The following RC3H2 variants were observed in gnomAD, a reference collection of about 807,000 sequenced individuals.
RC3H2 encodes the protein ring finger and CCCH-type domains 2.
RC3H2 carries 31 observed loss-of-function variants against 133.3 expected under a neutral mutation model. The observed-to-expected ratio is 0.23, with a 90% CI of 0.17 to 0.31. RC3H2 has a LOEUF of 0.31. Ranked by LOEUF, RC3H2 falls within the 10% of genes least tolerant of loss-of-function variation. RC3H2 has a pLI of 1.00. For missense variants in RC3H2, 1,175 were observed against 1,437.2 expected (o/e 0.82, Z 2.95); for synonymous variants, 517 against 502.2 (o/e 1.03, Z -0.40).
intron 8 of RC3H2, among the ~76,000 whole-genome samples, chr9:122,878,602 C>T (rs892343465): frequency 3.3e-5 from 5 of 151,926 alleles, no homozygotes; most frequent in Non-Finnish European, 5.9e-5. Context: ...TATTTAACCT[C>T]TTTGAATTTC....
intron 20 of RC3H2, 149 bp from the exon 21 acceptor site, chr9:122,849,971 GA>G: frequency 2.1e-6 from 1 of 477,846 alleles, no homozygotes; most frequent in Non-Finnish European, 3.5e-6. Context: ...GAAGTAACTA[GA>G]AAAGTCCTGT....
chr9:122,879,950 A>G (rs1386855996), intron 7 of RC3H2, 43 bp downstream of exon 7: 1 of 1,612,464 alleles, frequency 6.2e-7, no homozygotes, highest in Non-Finnish European at 8.5e-7. Context: ...ATTCACCTCA[A>G]AAGTAGAAAA....
At chr9:122,866,567 A>C (rs1369771141) in intron 9 of RC3H2, among the ~76,000 whole-genome samples, 1 of 151,740 alleles carries the variant, frequency 6.6e-6, no homozygotes, top group Non-Finnish European at 1.5e-5. Context: ...GCCACGCCTG[A>C]CTGGTTTTCT....
intron 4 of RC3H2, among the ~76,000 whole-genome samples, chr9:122,888,072 G>A (rs1016967408): frequency 2.0e-5 from 3 of 152,060 alleles, no homozygotes; most frequent in Non-Finnish European, 4.4e-5. Context: ...AATGCTGAAA[G>A]TCTTGGTTCT....
At chr9:122,886,930 A>G (rs996276719) in intron 4 of RC3H2, among the ~76,000 whole-genome samples, 1 of 152,240 alleles carries the variant, frequency 6.6e-6, no homozygotes, top group Non-Finnish European at 1.5e-5. Context: ...TGCTTCTTAA[A>G]GTAAACATCA....
intron 18 of RC3H2, among the ~76,000 whole-genome samples, chr9:122,853,378 T>TAAAAAAAAA (rs72033785): frequency 8.4e-5 from 7 of 83,712 alleles, no homozygotes; most frequent in East Asian, 7.4e-4. Flanking sequence ...GAATGATCAA[T>TAAAAAAAAA]AAAAAAAAAA....
intron 2 of RC3H2, among the ~76,000 whole-genome samples, chr9:122,893,788 T>C (rs1430329670): frequency 6.6e-6 from 1 of 152,206 alleles, no homozygotes; most frequent in African/African-American, 2.4e-5. Flanking sequence ...CTATATTATT[T>C]ACTTAAGATA....
rs367984525 is a variant in RC3H2, at chr9:122,883,213, A to T, written c.750T>A (p.Ser250=). The part of the protein sequence containing the change: ...GHVVQLLYRA[S]CFKVTKRDED... ...GATACTTACTGCTTACCTTAAAACA[A>T]GAAGCTCGATACAGTAGTTGCACAA... Residue 250 remains serine, a synonymous_variant, in exon 5 of 21, where the codon TCT becomes TCA. Coordinates refer to ENST00000357244, the MANE Select transcript of RC3H2 (RefSeq NM_001100588.3). 4 of 1,611,356 alleles carry T rather than the reference A, an allele frequency of 2.5e-6. No homozygotes were observed. The highest frequency in any genetic ancestry group is 3.4e-6 in the Non-Finnish European group (4 of 1,179,384).
rs1429725317 is a variant in RC3H2 at position 122,865,393 on chromosome 9, A to G, written c.1590T>C (p.Asn530=). The G allele has an allele frequency of 5.0e-6, 8 of 1,613,970 alleles. No individual in the cohort carries two copies. Among genetic ancestry groups the G allele is most frequent in the Middle Eastern group, 1.6e-4 (1 of 6,084 alleles). Residue 530 remains asparagine (N), a synonymous_variant, in exon 10 of 21, where the codon AAT becomes AAC. Transcript: ENST00000357244. ...TVKKVGKVGA[N]GQNAAGPSAD... ...CAGAGGGCCCAGCAGCATTCTGACC[A>G]TTAGCGCCAACCTTTCCCACTTTCT...
chr9:122,865,532 T>C lies in RC3H2; in HGVS notation c.1451A>G (p.Glu484Gly). ...ACTTGGAACAATTTTCCCTGTTGTT[T>C]CAGTACTTCCTATGACAGAAATGAC... The part of the protein sequence containing the change: ...GNVISVIGST[E>G]TTGKIVPSTN... The change falls in exon 10 of 21, where the codon GAA (glutamate) becomes GGA (glycine). Residue 484 changes from glutamate (E) to glycine (G), a missense_variant. Coordinates refer to ENST00000357244, the MANE Select transcript of RC3H2 (RefSeq NM_001100588.3). The C allele has an allele frequency of 5.0e-6, 8 of 1,614,206 alleles. No homozygotes were observed. The highest frequency in any genetic ancestry group is 3.3e-4 in the Middle Eastern group (2 of 6,062).
At position 122,890,355 on chromosome 9, in the gene RC3H2, T is replaced by A. The variant is rs780393048; in HGVS notation, c.540A>T (p.Leu180=). ...HQNPQQLSAN[L]WAAVRARGCQ... is the part of the protein sequence containing the mutation. ...ATCCTCGAGCCCTGACAGCGGCCCA[T>A]AGATTGGCAGACAACTGCTGAGGGT... The change falls in exon 4 of 21, where the codon CTA becomes CTT. Residue 180 remains leucine, a synonymous_variant. Transcript: ENST00000357244. 7 of 1,613,994 alleles carry A rather than the reference T, an allele frequency of 4.3e-6. No individual in the cohort carries two copies. Among genetic ancestry groups the A allele is most frequent in the African/African-American group, 2.7e-5 (2 of 74,892 alleles).
rs577146420 is a variant in RC3H2, at chr9:122,865,739, T to C, written c.1326-82A>G. On this transcript the variant is annotated intron_variant, in intron 9 of 20. Transcript: ENST00000357244. ...AAAAAATGGCAATGGGCAATGGGAA[T>C]AGATTGAAAAAGGAGGAAACAGTTT... is the stretch of plus-strand genomic sequence containing the variant. 5 of 1,201,802 alleles carry C rather than the reference T, an allele frequency of 4.2e-6. No homozygotes were observed. The African/African-American group carries it at 6.1e-5, about 15-fold the overall frequency. The allele number at this position is 1,201,802 out of a possible 1,614,324, so 74.4% of individuals were successfully genotyped here.
chr9:122,852,549 C>T (rs1352065624), intron 18 of RC3H2, among the ~76,000 whole-genome samples: 9 of 143,420 alleles, frequency 6.3e-5, no homozygotes, highest in Non-Finnish European at 1.4e-4. Flanking sequence ...GTCAGCCCCC[C>T]GCCCGGCCAG....
chr9:122,855,814 G>C lies in RC3H2; in HGVS notation c.2519C>G (p.Ser840Cys). 1 of 1,613,574 alleles carries C rather than the reference G, an allele frequency of 6.2e-7. No individual in the cohort carries two copies. Among genetic ancestry groups the C allele is most frequent in the Non-Finnish European group, 8.5e-7 (1 of 1,179,696 alleles). Residue 840 changes from serine to cysteine, a missense_variant, in exon 14 of 21, where the codon TCT (serine) becomes TGT (cysteine). Coordinates refer to ENST00000357244, the MANE Select transcript of RC3H2 (RefSeq NM_001100588.3). ...EDHLSHYSPW[S>C]CGTIGSCINA... The stretch of plus-strand genomic sequence containing the variant: ...TATACAGGAGCCTATGGTGCCACAA[G>C]ACCAGGGAGAATAATGGGAAAGATG...
chr9:122,874,208 A>T (rs2131441376), intron 9 of RC3H2: 1 of 152,348 alleles, frequency 6.6e-6, no homozygotes, highest in Admixed American at 6.5e-5. Context: ...ATCAACAGTG[A>T]TTAATTGAAT....
rs779973813 is a variant in RC3H2, at chr9:122,849,634, T to A, written c.3569A>T (p.Asn1190Ile). Reference protein sequence around the residue: ...LKPVANGKMVNS With the variant: ...LKPVANGKMVIS ...TGAAAGATGAACCTCCTTTCAGCTG[T>A]TAACCATCTTCCCATTTGCAACAGG... The change falls in exon 21 of 21, where the codon AAC becomes ATC. Residue 1190 changes from asparagine to isoleucine, a missense_variant. Coordinates refer to ENST00000357244, the MANE Select transcript of RC3H2 (RefSeq NM_001100588.3). 4 of 1,611,690 alleles carry A rather than the reference T, an allele frequency of 2.5e-6. No individual in the cohort carries two copies. Among genetic ancestry groups the A allele is most frequent in the Non-Finnish European group, 3.4e-6 (4 of 1,178,652 alleles).
rs370666034 is a variant in RC3H2 at position 122,877,614 on chromosome 9, G to A, written c.1213-31C>T. 2.7e-5 allele frequency: 41 copies of A among 1,518,748 alleles called. No individual in the cohort carries two copies. The African/African-American group carries it at 4.7e-4, about 17-fold the overall frequency. 94.1% of individuals were successfully genotyped at this position (1,518,748 alleles called of 1,614,324 possible). ...AAAATGGGAACACATTCAATGAGTG[G>A]CAAGGTGAAGATTCCATTTGTTATT... On this transcript the variant is annotated intron_variant, in intron 8 of 20. Transcript: ENST00000357244.
At chr9:122,893,939 A>C (rs566107588) in intron 2 of RC3H2, among the ~76,000 whole-genome samples, 2 of 152,276 alleles carry the variant, frequency 1.3e-5, no homozygotes, top group African/African-American at 4.8e-5. Flanking sequence ...ATGAAGATGA[A>C]AATCTGTATT....
In RC3H2 at chr9:122,852,468, G is replaced by A. The variant is rs1415446547; in HGVS notation, c.3118-1032C>T. Among the ~76,000 whole-genome samples the A allele has an allele frequency of 3.1e-5, 4 of 129,500 alleles. No individual in the cohort carries two copies. In the South Asian group the frequency reaches 1.0e-3, roughly 32 times the overall value. 85.0% of individuals were successfully genotyped at this position (129,500 alleles called of 152,430 possible). On this transcript the variant is annotated intron_variant, in intron 18 of 20. Coordinates refer to ENST00000357244, the MANE Select transcript of RC3H2 (RefSeq NM_001100588.3). ...CGGGAGGTGAGGGGCGCCTCTGCCC[G>A]GCCGCCCCTACTGGGAAGTGAGGAG... is the stretch of plus-strand genomic sequence containing the variant.
Sources: gnomAD v4.1 joint callset for allele counts (sites outside exome capture counted in the v4.1 genomes callset) on GRCh38, gnomAD v4.1.1 for gene constraint, MANE v1.5 for transcripts, NCBI Gene and HGNC (gene_info 2026-07-23, HGNC 2026-07-21) for gene names.